The following RBM47 variants were observed in gnomAD, a reference collection of about 807,000 sequenced individuals.
RBM47 encodes RNA-binding protein 47.
In RBM47, 21 loss-of-function variants were observed where a neutral mutation model predicts 47.1. The observed-to-expected ratio is 0.45, with a 90% CI of 0.32 to 0.64. The LOEUF is 0.64. Among genes scored for constraint, RBM47 ranks in the 30% least tolerant of loss-of-function variants. The pLI is 0.05. For missense variants in RBM47, 708 were observed against 870.9 expected, an observed-to-expected ratio of 0.81 and a Z score of 2.35; for synonymous variants, 375 against 361.7, an observed-to-expected ratio of 1.04 and a Z score of -0.42.
intron 1 of RBM47, among the ~76,000 whole-genome samples, chr4:40,566,221 T>C (rs1190865919): frequency 6.6e-6 from 1 of 152,196 alleles, no homozygotes; most frequent in East Asian, 1.9e-4. Flanking sequence ...AGTAGGTCAG[T>C]GGTAGGGATC....
intron 1 of RBM47, among the ~76,000 whole-genome samples, chr4:40,624,912 C>T (rs1488489285): frequency 3.0e-3 from 4 of 1,314 alleles, no homozygotes; most frequent in Non-Finnish European, 5.4e-3. Context: ...AGTGCAGTGG[C>T]GCGATCAGCT....
intron 2 of RBM47, among the ~76,000 whole-genome samples, chr4:40,516,685 G>A (rs898193219): frequency 6.6e-6 from 1 of 152,166 alleles, no homozygotes; most frequent in Admixed American, 6.5e-5. Flanking sequence ...AACAGCCCAA[G>A]GTCACTGAGC....
At chr4:40,436,046 C>T (rs73148179) in intron 5 of RBM47, among the ~76,000 whole-genome samples, 12,786 of 149,856 alleles carry the variant, frequency 0.085, 601 homozygotes, top group African/African-American at 0.12. Flanking sequence ...GTGGTGGGCA[C>T]CTGTAGTCCC....
At chr4:40,600,362 C>T (rs112201615) in intron 1 of RBM47, among the ~76,000 whole-genome samples, 14 of 151,980 alleles carry the variant, frequency 9.2e-5, no homozygotes, top group African/African-American at 2.7e-4. Context: ...AGGCCGGGCG[C>T]GGTGGCTCAA....
intron 2 of RBM47, among the ~76,000 whole-genome samples, chr4:40,539,493 C>A (rs1226505056): frequency 1.3e-5 from 2 of 152,008 alleles, no homozygotes; most frequent in Admixed American, 1.3e-4. Context: ...GTAATCCCAG[C>A]ACTTTGGGAG....
At chr4:40,571,444 C>T (rs969014200) in intron 1 of RBM47, among the ~76,000 whole-genome samples, 2 of 151,792 alleles carry the variant, frequency 1.3e-5, no homozygotes, top group Non-Finnish European at 2.9e-5. Context: ...TAACTCATAC[C>T]AGGATAAGTC....
chr4:40,510,614 C>A (rs1724797695), intron 2 of RBM47, among the ~76,000 whole-genome samples: 1 of 152,106 alleles, frequency 6.6e-6, no homozygotes, highest in African/African-American at 2.4e-5. Flanking sequence ...TGAGATGAGA[C>A]CCTATCCCAG....
chr4:40,588,011 T>C (rs1733758713), intron 1 of RBM47, among the ~76,000 whole-genome samples: 1 of 152,150 alleles, frequency 6.6e-6, no homozygotes. Flanking sequence ...AGCAACATGA[T>C]AGAATCTCTT....
At chr4:40,510,514 A>G (rs760838847) in intron 2 of RBM47, among the ~76,000 whole-genome samples, 1 of 152,196 alleles carries the variant, frequency 6.6e-6, no homozygotes, top group Non-Finnish European at 1.5e-5. Context: ...AGCATAAAAC[A>G]AATACAATGT....
At position 40,616,981 on chromosome 4, in the gene RBM47, T is replaced by C. The variant is rs541777396; in HGVS notation, c.-240+12415A>G. Among the ~76,000 whole-genome samples, 107 of 147,736 alleles carry C rather than the reference T, an allele frequency of 7.2e-4. 1 individual carries two copies. Among genetic ancestry groups the C allele is most frequent in the Non-Finnish European group, 1.2e-3 (78 of 67,244 alleles). Reference sequence around the variant, plus strand: ...ACCTCCGCCTCCCAGATTCAAGCAATTCTCCTGCCTCAGCCTCCCGAGTAG... The same window carrying C: ...ACCTCCGCCTCCCAGATTCAAGCAACTCTCCTGCCTCAGCCTCCCGAGTAG... On this transcript the variant is annotated intron_variant, in intron 1 of 6. Coordinates refer to ENST00000295971, the MANE Select transcript of RBM47 (RefSeq NM_001098634.2).
At position 40,436,610 on chromosome 4, in the gene RBM47, G is replaced by C. The variant is rs764936803; in HGVS notation, c.1161C>G (p.Gly387=). 5.6e-6 allele frequency: 9 copies of C among 1,613,986 alleles called. No homozygotes were observed. Among genetic ancestry groups the C allele is most frequent in the African/African-American group, 1.3e-5 (1 of 74,914 alleles). The change falls in exon 5 of 7, where the codon GGC becomes GGG. Residue 387 remains glycine (G), a synonymous_variant. Transcript: ENST00000295971. ...SIRGRGRGAA[G]NRAPGPRGSY... Reference sequence around the variant, plus strand: ...AACCCCTAGGCCCTGGGGCTCTGTTGCCAGCTGCACCTCGCCCTCGGCCTC... The same window carrying C: ...AACCCCTAGGCCCTGGGGCTCTGTTCCCAGCTGCACCTCGCCCTCGGCCTC...
At chr4:40,556,852 G>A (rs989984640) in intron 1 of RBM47, among the ~76,000 whole-genome samples, 5 of 151,738 alleles carry the variant, frequency 3.3e-5, no homozygotes, top group South Asian at 2.1e-4. Context: ...TTTGCGCCAC[G>A]GCACTCCAGC....
At chr4:40,454,356 A>G (rs1285914788) in intron 3 of RBM47, among the ~76,000 whole-genome samples, 2 of 152,226 alleles carry the variant, frequency 1.3e-5, no homozygotes, top group Non-Finnish European at 2.9e-5. Flanking sequence ...GAGACTAGTA[A>G]TAATTATCGC....
At chr4:40,481,006 A>G (rs919679260) in intron 2 of RBM47, among the ~76,000 whole-genome samples, 1 of 152,130 alleles carries the variant, frequency 6.6e-6, no homozygotes, top group Non-Finnish European at 1.5e-5. Flanking sequence ...TTTCCTCCTG[A>G]GCCAGGAGGA....
At chr4:40,429,207 A>G (rs1210193911) in intron 6 of RBM47, among the ~76,000 whole-genome samples, 1 of 152,116 alleles carries the variant, frequency 6.6e-6, no homozygotes, top group Non-Finnish European at 1.5e-5. Context: ...TATCAGCCCC[A>G]AAGTGCAAGA....
chr4:40,541,758 A>G (rs1728568648), intron 2 of RBM47, among the ~76,000 whole-genome samples: 1 of 152,188 alleles, frequency 6.6e-6, no homozygotes, highest in East Asian at 1.9e-4. Flanking sequence ...AAGAAAAAGA[A>G]AAAGAAAATG....
chr4:40,432,361 C>A (rs564142882), intron 6 of RBM47, among the ~76,000 whole-genome samples: 35 of 152,166 alleles, frequency 2.3e-4, no homozygotes, highest in Middle Eastern at 3.4e-3. Flanking sequence ...AAAAATTATC[C>A]AGTGCTATTT....
intron 1 of RBM47, among the ~76,000 whole-genome samples, chr4:40,627,695 A>G (rs1737869192): frequency 6.6e-6 from 1 of 152,202 alleles, no homozygotes; most frequent in Admixed American, 6.5e-5. Context: ...TCATGTGAGG[A>G]AAAAAATGAG....
chr4:40,469,110 A>G (rs1473188929), intron 2 of RBM47, among the ~76,000 whole-genome samples: 1 of 152,224 alleles, frequency 6.6e-6, no homozygotes, highest in African/African-American at 2.4e-5. Context: ...ATAAAGCACC[A>G]TTCTCGACAT....
Sources: allele counts gnomAD v4.1 joint callset (sites outside exome capture counted in the v4.1 genomes callset), GRCh38; gene constraint gnomAD v4.1.1; transcripts MANE v1.5; gene names NCBI Gene and HGNC (gene_info 2026-07-23, HGNC 2026-07-21).